The following RUSC2 variants were observed in gnomAD, a reference collection of about 807,000 sequenced individuals.
RUSC2 encodes the protein AP-4 complex accessory subunit RUSC2.
RUSC2 carries 34 observed loss-of-function variants against 122.2 expected under a neutral mutation model. The observed-to-expected ratio is 0.28, with a 90% CI of 0.21 to 0.37. RUSC2 has a LOEUF of 0.37. Among genes scored for constraint, RUSC2 ranks in the 10% least tolerant of loss-of-function variants. The probability of loss-of-function intolerance (pLI) is 1.00; values close to 1 mark genes in which losing one functional copy is unlikely to be tolerated. For missense variants in RUSC2, 1,747 were observed against 1,952.4 expected, an observed-to-expected ratio of 0.89 and a Z score of 1.98; for synonymous variants, 784 against 790.0, an observed-to-expected ratio of 0.99 and a Z score of 0.13.
intron 1 of RUSC2, among the ~76,000 whole-genome samples, chr9:35,542,472 A>G (rs2132545439): frequency 6.6e-6 from 1 of 152,342 alleles, no homozygotes; most frequent in East Asian, 1.9e-4. Context: ...TTATCAAAAA[A>G]CACAGTTAAG....
chr9:35,533,654 A>G (rs1821467019), intron 1 of RUSC2, among the ~76,000 whole-genome samples: 1 of 152,142 alleles, frequency 6.6e-6, no homozygotes, highest in Admixed American at 6.5e-5. Context: ...TCTGGCAGCC[A>G]CTGATCTACT....
At position 35,546,394 on chromosome 9, in the gene RUSC2, T is replaced by G; in HGVS notation, c.-92-36T>G. 1.4e-5 allele frequency: 8 copies of G among 591,514 alleles called. No homozygotes were observed. The highest frequency in any genetic ancestry group is 7.1e-5 in the South Asian group (1 of 14,134). The allele number at this position is 591,514 out of a possible 1,614,324, so 36.6% of individuals were successfully genotyped here. A position where few individuals can be genotyped will look rare whatever the true frequency, so the allele number is the denominator to read the frequency against. On this transcript the variant is annotated intron_variant, in intron 1 of 11. Coordinates refer to ENST00000361226, the MANE Select transcript of RUSC2 (RefSeq NM_014806.5). This position sits in a 1 kb window ranked among gnomAD's most constrained non-coding sequence, Gnocchi z 4.3. Reference sequence around the variant, plus strand: ...GGCATGCCCCTGACTTCCAGGGAGGTGACATTAGGTTCCCTTTCTTTCCCT... The same window carrying G: ...GGCATGCCCCTGACTTCCAGGGAGGGGACATTAGGTTCCCTTTCTTTCCCT...
rs866208344 is a variant in RUSC2 at position 35,560,680 on chromosome 9, G to A, written c.4040G>A (p.Ser1347Asn). Residue 1347 changes from serine to asparagine, a missense_variant, in exon 10 of 12, where the codon AGC becomes AAC. Physicochemically the swap from Ser to Asn is conservative, Grantham distance 46. Transcript: ENST00000361226. ...AGGGGCTGGCCCTTCTGGATGGGGA[G>A]CCCCCCTGACTCTGTGCTGGCCGAG... is the stretch of plus-strand genomic sequence containing the variant. ...RERGWPFWMG[S>N]PPDSVLAELR... 6.4e-7 allele frequency: 1 copy of A among 1,574,352 alleles called. No individual in the cohort carries two copies. The highest frequency in any genetic ancestry group is 8.6e-7 in the Non-Finnish European group (1 of 1,159,080).
intron 1 of RUSC2, among the ~76,000 whole-genome samples, chr9:35,535,240 C>G (rs1033906210): frequency 6.6e-6 from 1 of 151,630 alleles, no homozygotes; most frequent in Non-Finnish European, 1.5e-5. Context: ...CTCAGCCTCC[C>G]GAATAGCTGG....
chr9:35,545,034 A>T (rs1587859887), intron 1 of RUSC2, among the ~76,000 whole-genome samples: 2 of 152,226 alleles, frequency 1.3e-5, no homozygotes, highest in East Asian at 1.9e-4. Context: ...ATTGCTGCTT[A>T]AATTTAACAC....
intron 1 of RUSC2, among the ~76,000 whole-genome samples, chr9:35,506,988 C>A (rs967844372): frequency 1.3e-4 from 20 of 151,998 alleles, no homozygotes; most frequent in African/African-American, 4.8e-4. Context: ...TGTGGTGGTG[C>A]ACACCTGTAG....
In RUSC2 at chr9:35,548,969, T is replaced by G. The variant is rs1287684101; in HGVS notation, c.2014+434T>G. 1 of 731,966 alleles carries G rather than the reference T, an allele frequency of 1.4e-6. No individual in the cohort carries two copies. Among genetic ancestry groups the G allele is most frequent in the African/African-American group, 1.9e-5 (1 of 52,044 alleles). The allele number at this position is 731,966 out of a possible 1,614,324, so 45.3% of individuals were successfully genotyped here. A position where few individuals can be genotyped will look rare whatever the true frequency, so the allele number is the denominator to read the frequency against. On this transcript the variant is annotated intron_variant, in intron 2 of 11. Transcript: ENST00000361226. The surrounding 1 kb of genome is among the most constrained non-coding windows in gnomAD (Gnocchi z 4.5). ...ATTGCTTGAACCCAGGAGGTGGAGG[T>G]TGCACTGAGCTGAGATCATACCACT...
rs1164005118 is a variant in RUSC2 at position 35,559,903 on chromosome 9, G to T, written c.3389-126G>T. On this transcript the variant is annotated intron_variant, in intron 9 of 11. Transcript: ENST00000361226. ...GCAGCAGCGTTTATACTTAGTACATGCAAGTTGACTAGTGCACAGCCTGCA... is the reference window on the plus strand; with the variant it reads ...GCAGCAGCGTTTATACTTAGTACATTCAAGTTGACTAGTGCACAGCCTGCA... The T allele has an allele frequency of 6.5e-6, 5 of 770,544 alleles. No individual in the cohort carries two copies. The Admixed American group carries it at 9.5e-5, about 15-fold the overall frequency. The allele number at this position is 770,544 out of a possible 1,614,324, so 47.7% of individuals were successfully genotyped here. A position where few individuals can be genotyped will look rare whatever the true frequency, so the allele number is the denominator to read the frequency against.
Position 35,560,714 on chromosome 9 carries a change from C to A in RUSC2, c.4074C>A (p.Arg1358=). The change falls in exon 10 of 12, where the codon CGC becomes CGA. Residue 1358 remains arginine, a synonymous_variant. Transcript: ENST00000361226. ...ACTCTGTGCTGGCCGAGCTGAGGCG[C>A]AGTCGGGAGAGGGAAGGGCCCGCTG... is the stretch of plus-strand genomic sequence containing the variant. ...PPDSVLAELR[R]SREREGPAAS... 2 of 1,553,096 alleles carry A rather than the reference C, an allele frequency of 1.3e-6. No individual in the cohort carries two copies. The highest frequency in any genetic ancestry group is 8.7e-7 in the Non-Finnish European group (1 of 1,149,000).
chr9:35,560,396 G>A lies in RUSC2; in HGVS notation c.3756G>A (p.Glu1252=), dbSNP rs746025982. 1.9e-6 allele frequency: 3 copies of A among 1,614,056 alleles called. No individual in the cohort carries two copies. Among genetic ancestry groups the A allele is most frequent in the South Asian group, 2.2e-5 (2 of 91,074 alleles). The change falls in exon 10 of 12, where the codon GAG becomes GAA. Residue 1252 remains glutamate, a synonymous_variant. Coordinates refer to ENST00000361226, the MANE Select transcript of RUSC2 (RefSeq NM_014806.5). ...AAGAGGAGACAGAAGAGGTGGCAGAGGCAGCCGGGGGCTCAGGGCGTGCCA... is the reference window on the plus strand; with the variant it reads ...AAGAGGAGACAGAAGAGGTGGCAGAAGCAGCCGGGGGCTCAGGGCGTGCCA... ...EEEEETEEVA[E]AAGGSGRARW...
chr9:35,548,866 C>A lies in RUSC2; in HGVS notation c.2014+331C>A. On this transcript the variant is annotated intron_variant, in intron 2 of 11. Coordinates refer to ENST00000361226, the MANE Select transcript of RUSC2 (RefSeq NM_014806.5). The surrounding 1 kb of genome is among the most constrained non-coding windows in gnomAD (Gnocchi z 4.5). Reference sequence around the variant, plus strand: ...CCAACATAATGAAACCCCAGCTCTACTAAAATAAAAAATAAACTAGCCAGG... The same window carrying A: ...CCAACATAATGAAACCCCAGCTCTAATAAAATAAAAAATAAACTAGCCAGG... 1 of 590,214 alleles carries A rather than the reference C, an allele frequency of 1.7e-6. No individual in the cohort carries two copies. Among genetic ancestry groups the A allele is most frequent in the Non-Finnish European group, 2.1e-6 (1 of 469,022 alleles). 36.6% of individuals were successfully genotyped at this position (590,214 alleles called of 1,614,324 possible).
In RUSC2 at chr9:35,530,194, G is replaced by A. The variant is rs1301232133; in HGVS notation, c.-92-16236G>A. The stretch of plus-strand genomic sequence containing the variant: ...ATCAACTCATAAGCTCAAGCAATCC[G>A]TCCACCTCAGCCTCCCAAAATGCTG... On this transcript the variant is annotated intron_variant, in intron 1 of 11. Coordinates refer to ENST00000361226, the MANE Select transcript of RUSC2 (RefSeq NM_014806.5). Among the ~76,000 whole-genome samples, 3 of 152,042 alleles carry A rather than the reference G, an allele frequency of 2.0e-5. No individual in the cohort carries two copies. In the South Asian group the frequency reaches 6.2e-4, roughly 31 times the overall value.
chr9:35,502,651 A>G (rs1392564320), intron 1 of RUSC2, among the ~76,000 whole-genome samples: 1 of 152,222 alleles, frequency 6.6e-6, no homozygotes, highest in Non-Finnish European at 1.5e-5. Flanking sequence ...AATCTACAAA[A>G]GACAAGTATA....
intron 1 of RUSC2, among the ~76,000 whole-genome samples, chr9:35,536,004 A>G (rs1821520463): frequency 6.6e-6 from 1 of 152,246 alleles, no homozygotes; most frequent in African/African-American, 2.4e-5. Flanking sequence ...TATAACTCCG[A>G]CTTTGCAGTC....
At chr9:35,516,053 A>G (rs1821100710) in intron 1 of RUSC2, among the ~76,000 whole-genome samples, 1 of 149,734 alleles carries the variant, frequency 6.7e-6, no homozygotes, top group South Asian at 2.1e-4. Context: ...AACATCTAGC[A>G]TGGTGAGTAA....
Position 35,546,638 on chromosome 9 carries a change from C to T in RUSC2, c.117C>T (p.Ser39=). ...GAGGGGCAGGTGGAGGTGGTGGGAGCACAAGACCTAATCCCTTCTGCCCAC... is the reference window on the plus strand; with the variant it reads ...GAGGGGCAGGTGGAGGTGGTGGGAGTACAAGACCTAATCCCTTCTGCCCAC... The part of the protein sequence containing the change: ...CCGGAGGGGG[S]TRPNPFCPPE... The change falls in exon 2 of 12, where the codon AGC becomes AGT. Residue 39 remains serine (S), a synonymous_variant. Coordinates refer to ENST00000361226, the MANE Select transcript of RUSC2 (RefSeq NM_014806.5). The surrounding 1 kb of genome is among the most constrained non-coding windows in gnomAD (Gnocchi z 4.3). 1 of 1,569,540 alleles carries T rather than the reference C, an allele frequency of 6.4e-7. No homozygotes were observed. Among genetic ancestry groups the T allele is most frequent in the Non-Finnish European group, 8.6e-7 (1 of 1,158,660 alleles).
In RUSC2 at chr9:35,523,032, C is replaced by G. The variant is rs1158932293; in HGVS notation, c.-92-23398C>G. Among the ~76,000 whole-genome samples, 2 of 152,204 alleles carry G rather than the reference C, an allele frequency of 1.3e-5. 1 individual carries two copies. Among genetic ancestry groups the G allele is most frequent in the Non-Finnish European group, 2.9e-5 (2 of 68,042 alleles). On this transcript the variant is annotated intron_variant, in intron 1 of 11. Transcript: ENST00000361226. ...ATATAGTCCTGTCTATTGATTAGTA[C>G]TGCTTACTTTTGCTAAAAATTACCT...
intron 1 of RUSC2, among the ~76,000 whole-genome samples, chr9:35,496,277 G>A (rs1464154817): frequency 1.3e-5 from 2 of 152,154 alleles, no homozygotes; most frequent in Non-Finnish European, 2.9e-5. Flanking sequence ...ACAGGAAACA[G>A]AAGTCTCTAG....
Position 35,547,378 on chromosome 9 carries a change from C to T in RUSC2, c.857C>T (p.Thr286Ile). The change falls in exon 2 of 12, where the codon ACC becomes ATC. Residue 286 changes from threonine (T) to isoleucine (I), a missense_variant. Coordinates refer to ENST00000361226, the MANE Select transcript of RUSC2 (RefSeq NM_014806.5). The surrounding 1 kb of genome is among the most constrained non-coding windows in gnomAD (Gnocchi z 4.6). ...GATGGTGTGCTGGTCACCTTCAGCA[C>T]CCTCTACAACAAGATGCATGGCACC... is the stretch of plus-strand genomic sequence containing the variant. ...SSDGVLVTFS[T>I]LYNKMHGTPR... The T allele has an allele frequency of 6.2e-7, 1 of 1,614,170 alleles. No individual in the cohort carries two copies. Among genetic ancestry groups the T allele is most frequent in the Non-Finnish European group, 8.5e-7 (1 of 1,180,016 alleles).
Sources: allele counts gnomAD v4.1 joint callset (sites outside exome capture counted in the v4.1 genomes callset), GRCh38; gene constraint gnomAD v4.1.1; non-coding constraint Gnocchi (gnomAD v3.1); transcripts MANE v1.5; gene names NCBI Gene and HGNC (gene_info 2026-07-23, HGNC 2026-07-21).